ULK4: variants seen among roughly 807,000 people sequenced by gnomAD.
The protein encoded by ULK4 is unc-51 like kinase 4.
In ULK4, 133 loss-of-function variants were observed where a neutral mutation model predicts 160.6. The ratio of observed to expected loss-of-function variants is 0.83; its 90% CI spans 0.72 to 0.96. ULK4 has a LOEUF of 0.96. Ranked by LOEUF, ULK4 falls within the 40% of genes least tolerant of loss-of-function variation. The pLI, the probability that ULK4 is intolerant of heterozygous loss-of-function variation, is 0.00. For missense variants in ULK4, 1,580 were observed against 1,499.5 expected (o/e 1.05, Z -0.89); for synonymous variants, 534 against 539.8 (o/e 0.99, Z 0.15).
intron 30 of ULK4, among the ~76,000 whole-genome samples, chr3:41,645,454 A>C (rs2034439798): frequency 6.6e-6 from 1 of 151,580 alleles, no homozygotes; most frequent in South Asian, 2.1e-4. Context: ...TTATGTACCC[A>C]GTAGTCATTC....
Position 41,673,575 on chromosome 3 carries a change from A to G in ULK4, c.2978+7933T>C, listed in dbSNP as rs2035606942. On this transcript the variant is annotated intron_variant, in intron 29 of 36. Coordinates refer to ENST00000301831, the MANE Select transcript of ULK4 (RefSeq NM_017886.4). ...ATTACAAAAAAGAAGGGCTGTACTC[A>G]TTTTCCCCGGGAGAGAAATGTTTAA... 2.0e-5 allele frequency among the ~76,000 whole-genome samples: 3 copies of G among 152,110 alleles called. No homozygotes were observed. In the South Asian group the frequency reaches 6.2e-4, roughly 32 times the overall value.
At chr3:41,784,608 T>C (rs757550156) in intron 21 of ULK4, among the ~76,000 whole-genome samples, 7 of 152,146 alleles carry the variant, frequency 4.6e-5, no homozygotes, top group Non-Finnish European at 7.3e-5. Context: ...ATTAAGGACA[T>C]CTATGGGCAA....
At chr3:41,797,209 T>C (rs1015716316) in intron 20 of ULK4, among the ~76,000 whole-genome samples, 2 of 151,554 alleles carry the variant, frequency 1.3e-5, no homozygotes, top group African/African-American at 4.9e-5. Flanking sequence ...GGTGTTTACA[T>C]TTTTAAAGGG....
intron 17 of ULK4, chr3:41,859,511 G>A: frequency 3.7e-6 from 2 of 547,110 alleles, no homozygotes; most frequent in Non-Finnish European, 3.7e-6. Context: ...GGACCCTTAG[G>A]GATAAACCAA....
intron 31 of ULK4, among the ~76,000 whole-genome samples, chr3:41,577,944 T>C (rs531904826): frequency 6.6e-6 from 1 of 152,352 alleles, no homozygotes; most frequent in African/African-American, 2.4e-5. Flanking sequence ...CACTGCTCCC[T>C]GGAGCTGCAC....
At chr3:41,960,868 A>C (rs938626857) in intron 1 of ULK4, among the ~76,000 whole-genome samples, 1 of 152,172 alleles carries the variant, frequency 6.6e-6, no homozygotes, top group Non-Finnish European at 1.5e-5. Flanking sequence ...ACACCCTTCT[A>C]ATCACCACCC....
At chr3:41,769,591 C>T (rs1373877057) in intron 21 of ULK4, among the ~76,000 whole-genome samples, 2 of 152,154 alleles carry the variant, frequency 1.3e-5, no homozygotes, top group Admixed American at 6.5e-5. Context: ...CCAGCATTCA[C>T]GGCCAGAAGC....
At chr3:41,337,826 A>G (rs539894469) in intron 35 of ULK4, among the ~76,000 whole-genome samples, 152 of 152,186 alleles carry the variant, frequency 1.0e-3, no homozygotes, top group African/African-American at 3.3e-3. Flanking sequence ...CTATCCTAAT[A>G]GGAATCCCAG....
At chr3:41,541,999 A>G (rs1283588097) in intron 32 of ULK4, among the ~76,000 whole-genome samples, 2 of 152,010 alleles carry the variant, frequency 1.3e-5, no homozygotes, top group Admixed American at 1.3e-4. Context: ...CTATTTGAAT[A>G]CCCTTTATTT....
At chr3:41,249,663 C>T in intron 35 of ULK4, 89 bp from the exon 36 acceptor site, 1 of 1,382,864 alleles carries the variant, frequency 7.2e-7, no homozygotes, top group Non-Finnish European at 1.0e-6. Context: ...ATCAGGCCTG[C>T]ATGGTGCTGT....
chr3:41,685,230 C>T (rs887488970), intron 27 of ULK4, among the ~76,000 whole-genome samples: 1 of 152,148 alleles, frequency 6.6e-6, no homozygotes, highest in Non-Finnish European at 1.5e-5. Context: ...TAGGCAAGGA[C>T]AATAACTTGT....
At chr3:41,780,242 C>T (rs951816259) in intron 21 of ULK4, among the ~76,000 whole-genome samples, 6 of 151,850 alleles carry the variant, frequency 4.0e-5, no homozygotes, top group Admixed American at 3.3e-4. Context: ...CAGGAGGCAG[C>T]GGTTTCAGTG....
chr3:41,615,540 G>A, intron 31 of ULK4, 129 bp downstream of exon 31: 5 of 808,070 alleles, frequency 6.2e-6, no homozygotes, highest in Non-Finnish European at 9.9e-6. Context: ...AGGAGGTTAA[G>A]TGTGATGATG....
At position 41,775,100 on chromosome 3, in the gene ULK4, T is replaced by A. The variant is rs569657588; in HGVS notation, c.2193+14561A>T. Among the ~76,000 whole-genome samples the A allele has an allele frequency of 4.7e-5, 7 of 147,774 alleles. No homozygotes were observed. In the South Asian group the frequency reaches 1.5e-3, roughly 32 times the overall value. ...GTGGAGGGAGGGGGGAGGGATACCA[T>A]TAGGAGATATACCTAATGCTAAATG... On this transcript the variant is annotated intron_variant, in intron 21 of 36. Transcript: ENST00000301831.
At chr3:41,567,920 CAT>C (rs576751293) in intron 31 of ULK4, among the ~76,000 whole-genome samples, 103 of 152,272 alleles carry the variant, frequency 6.8e-4, no homozygotes, top group African/African-American at 2.4e-3. Flanking sequence ...AGTTTTCCCT[CAT>C]GTTAACATCT....
intron 35 of ULK4, among the ~76,000 whole-genome samples, chr3:41,298,630 C>A (rs941413511): frequency 6.6e-6 from 1 of 152,284 alleles, no homozygotes; most frequent in South Asian, 2.1e-4. Context: ...ACCACACTCT[C>A]CAAACTGTGT....
intron 34 of ULK4, among the ~76,000 whole-genome samples, chr3:41,415,758 C>T (rs555464420): frequency 1.3e-5 from 2 of 152,214 alleles, no homozygotes; most frequent in African/African-American, 2.4e-5. Flanking sequence ...TCAGATCACT[C>T]GTCACTCCTA....
At chr3:41,788,368 T>C (rs1027736638) in intron 21 of ULK4, among the ~76,000 whole-genome samples, 3 of 152,154 alleles carry the variant, frequency 2.0e-5, no homozygotes, top group Non-Finnish European at 4.4e-5. Flanking sequence ...CTTCATCATG[T>C]TTTGCAAAAC....
At chr3:41,297,492 T>C (rs1328887631) in intron 35 of ULK4, among the ~76,000 whole-genome samples, 1 of 152,216 alleles carries the variant, frequency 6.6e-6, no homozygotes, top group Non-Finnish European at 1.5e-5. Flanking sequence ...AGAACCTTTT[T>C]TCCTTACCAC....
Sources: gnomAD v4.1 joint callset for allele counts (sites outside exome capture counted in the v4.1 genomes callset) on GRCh38, gnomAD v4.1.1 for gene constraint, MANE v1.5 for transcripts, NCBI Gene and HGNC (gene_info 2026-07-23, HGNC 2026-07-21) for gene names.